Variants in SUFU observed in about 807,000 individuals in gnomAD.
SUFU encodes the protein suppressor of fused homolog.
Under a neutral mutation model 58.9 loss-of-function variants are expected in SUFU, and 7 were observed. The ratio of observed to expected loss-of-function variants is 0.12; its 90% confidence interval spans 0.07 to 0.22. The LOEUF is 0.22. Among genes scored for constraint, SUFU ranks in the 10% least tolerant of loss-of-function variants. The pLI is 1.00. For missense variants in SUFU, 451 were observed against 641.3 expected (o/e 0.70, Z 3.20); for synonymous variants, 232 against 254.8 (o/e 0.91, Z 0.85).
intron 2 of SUFU, among the ~76,000 whole-genome samples, chr10:102,542,698 C>T (rs2062816112): frequency 6.6e-6 from 1 of 150,426 alleles, no homozygotes; most frequent in Admixed American, 6.6e-5. Flanking sequence ...AATCACAGCT[C>T]ACTGTACCTT....
At chr10:102,604,804 C>G (rs1218451025) in intron 8 of SUFU, among the ~76,000 whole-genome samples, 1 of 152,042 alleles carries the variant, frequency 6.6e-6, no homozygotes, top group African/African-American at 2.4e-5. Flanking sequence ...CTAGGAAATC[C>G]CCTAACCTTG....
intron 2 of SUFU, among the ~76,000 whole-genome samples, chr10:102,539,307 CGTAGGATCAGT>C (rs2062774049): frequency 6.6e-6 from 1 of 152,130 alleles, no homozygotes; most frequent in Admixed American, 6.5e-5. Flanking sequence ...TTTCCTCATG[CGTAGGATCAGT>C]GTATGTATTT....
chr10:102,627,707 T>G (rs1590092561), intron 11 of SUFU, among the ~76,000 whole-genome samples: 1 of 152,106 alleles, frequency 6.6e-6, no homozygotes. Context: ...CAGGAGCCAC[T>G]CTCCCTTCTT....
chr10:102,606,273 G>A (rs1351076648), intron 8 of SUFU, among the ~76,000 whole-genome samples: 1 of 152,216 alleles, frequency 6.6e-6, no homozygotes, highest in African/African-American at 2.4e-5. Context: ...TATATAGACA[G>A]GTGGTTAAAG....
chr10:102,610,062 A>G lies in SUFU; in HGVS notation c.1023-5206A>G, dbSNP rs1001133054. 9.2e-5 allele frequency among the ~76,000 whole-genome samples: 14 copies of G among 152,092 alleles called. 1 individual carries two copies. Among genetic ancestry groups the G allele is most frequent in the Non-Finnish European group, 1.5e-4 (10 of 68,016 alleles). ...TTCCAAAGACCGCTAAGTGGACTCA[A>G]CATCGTCGTTGCCTTTTTAGAAATG... On this transcript the variant is annotated intron_variant, in intron 8 of 11. Coordinates refer to ENST00000369902, the MANE Select transcript of SUFU (RefSeq NM_016169.4).
intron 3 of SUFU, among the ~76,000 whole-genome samples, chr10:102,569,149 A>T (rs2063136340): frequency 6.6e-6 from 1 of 151,350 alleles, no homozygotes; most frequent in Non-Finnish European, 1.5e-5. Flanking sequence ...TTATCTCAGG[A>T]TCAGTTTCTA....
chr10:102,615,193 A>C (rs2063671978), intron 8 of SUFU, 75 bp from the exon 9 acceptor site: 2 of 1,599,494 alleles, frequency 1.3e-6, no homozygotes, highest in Non-Finnish European at 1.7e-6. Flanking sequence ...TCAGGAGCCC[A>C]GCTGGAGACT....
chr10:102,527,294 G>A (rs1967815), intron 2 of SUFU, among the ~76,000 whole-genome samples: 30,024 of 151,756 alleles, frequency 0.2, 3,759 homozygotes, highest in Non-Finnish European at 0.26. Context: ...GAGCCACCGC[G>A]CCCGGCCGAC....
chr10:102,556,555 C>T (rs1242271290), intron 3 of SUFU, among the ~76,000 whole-genome samples: 1 of 151,798 alleles, frequency 6.6e-6, no homozygotes, highest in Non-Finnish European at 1.5e-5. Flanking sequence ...CTAGCCTGAC[C>T]AACATGGAGA....
intron 2 of SUFU, among the ~76,000 whole-genome samples, chr10:102,520,483 G>T (rs548612146): frequency 1.3e-5 from 2 of 152,160 alleles, no homozygotes; most frequent in Admixed American, 6.5e-5. Context: ...GCCTCCCAAA[G>T]TGCTGGGATT....
chr10:102,560,115 CCT>C (rs1252663933), intron 3 of SUFU, among the ~76,000 whole-genome samples: 1 of 152,078 alleles, frequency 6.6e-6, no homozygotes, highest in African/African-American at 2.4e-5. Context: ...TTCCCTTTCC[CCT>C]GTTTACAAAA....
chr10:102,549,237 A>G (rs1208590087), intron 2 of SUFU, among the ~76,000 whole-genome samples: 1 of 152,220 alleles, frequency 6.6e-6, no homozygotes, highest in Non-Finnish European at 1.5e-5. Flanking sequence ...TGGGTAATTT[A>G]TAAAGGAAAA....
intron 3 of SUFU, among the ~76,000 whole-genome samples, chr10:102,587,362 C>T (rs996696471): frequency 6.6e-6 from 1 of 152,188 alleles, no homozygotes; most frequent in African/African-American, 2.4e-5. Flanking sequence ...TCCTCACCAA[C>T]ACTTGTGCAC....
chr10:102,595,832 G>A (rs1349425610), intron 6 of SUFU, among the ~76,000 whole-genome samples: 1 of 152,176 alleles, frequency 6.6e-6, no homozygotes, highest in East Asian at 1.9e-4. Context: ...AACCAGCTGT[G>A]TGCCCAAATA....
rs747617835 is a variant in SUFU, at chr10:102,630,087, A to G, written c.1387A>G (p.Ser463Gly). The change falls in exon 12 of 12, where the codon AGC (serine) becomes GGC (glycine). Residue 463 changes from serine to glycine, a missense_variant. Physicochemically the swap from Ser to Gly is moderately conservative, Grantham distance 56. Transcript: ENST00000369902. Reference protein sequence around the residue: ...PEEFKLPKEYSWPEKKLKVSI... With the variant: ...PEEFKLPKEYGWPEKKLKVSI... ...ACAGTTCAAACTTCCCAAAGAGTACAGCTGGCCTGAAAAGAAGCTGAAGGT... is the reference window on the plus strand; with the variant it reads ...ACAGTTCAAACTTCCCAAAGAGTACGGCTGGCCTGAAAAGAAGCTGAAGGT... 3 of 1,614,080 alleles carry G rather than the reference A, an allele frequency of 1.9e-6. No homozygotes were observed. Among genetic ancestry groups the G allele is most frequent in the Non-Finnish European group, 2.5e-6 (3 of 1,180,034 alleles).
intron 2 of SUFU, among the ~76,000 whole-genome samples, chr10:102,539,375 A>G (rs1196423878): frequency 6.6e-6 from 1 of 152,206 alleles, no homozygotes; most frequent in Non-Finnish European, 1.5e-5. Flanking sequence ...TAGTGATCAT[A>G]TCAGGAGGCA....
At chr10:102,614,502 G>A (rs950602950) in intron 8 of SUFU, among the ~76,000 whole-genome samples, 2 of 151,522 alleles carry the variant, frequency 1.3e-5, no homozygotes, top group Non-Finnish European at 2.9e-5. Context: ...AGGTTGCAGT[G>A]AGCCAAGATC....
At chr10:102,570,933 C>T (rs912864444) in intron 3 of SUFU, among the ~76,000 whole-genome samples, 7 of 151,934 alleles carry the variant, frequency 4.6e-5, no homozygotes, top group African/African-American at 1.7e-4. Flanking sequence ...TTAATTTGTA[C>T]AGTATTTTCA....
At chr10:102,545,009 T>C (rs7078435) in intron 2 of SUFU, among the ~76,000 whole-genome samples, 46,428 of 152,186 alleles carry the variant, frequency 0.31, 7,384 homozygotes, top group Admixed American at 0.36. Flanking sequence ...TGTTTATCCA[T>C]TCCTCAGTTG....
Sources: gnomAD v4.1 joint callset for allele counts (sites outside exome capture counted in the v4.1 genomes callset) on GRCh38, gnomAD v4.1.1 for gene constraint, MANE v1.5 for transcripts, NCBI Gene and HGNC (gene_info 2026-07-23, HGNC 2026-07-21) for gene names.